Variants in NUBPL observed in about 807,000 individuals in gnomAD.
NUBPL encodes NUBP iron-sulfur cluster assembly factor, mitochondrial.
In NUBPL, 31 loss-of-function variants were observed where a neutral mutation model predicts 45.7. The ratio of observed to expected loss-of-function variants is 0.68; its 90% confidence interval spans 0.51 to 0.92. The LOEUF is 0.92. Among genes scored for constraint, NUBPL ranks in the 40% least tolerant of loss-of-function variants. The probability of loss-of-function intolerance (pLI) is 0.00; values close to 1 mark genes in which losing one functional copy is unlikely to be tolerated. For synonymous variants in NUBPL, 144 were observed against 140.9 expected (o/e 1.02, Z -0.15); for missense variants, 401 against 398.7 (o/e 1.01, Z -0.05).
chr14:31,843,583 A>G (rs1387392271), intron 8 of NUBPL, among the ~76,000 whole-genome samples: 1 of 152,178 alleles, frequency 6.6e-6, no homozygotes, highest in Admixed American at 6.5e-5. Context: ...AGACACCTTA[A>G]TATAGCCTAC....
intron 6 of NUBPL, among the ~76,000 whole-genome samples, chr14:31,770,122 G>A (rs944078910): frequency 1.3e-5 from 2 of 152,078 alleles, no homozygotes; most frequent in African/African-American, 4.8e-5. Context: ...AGTTCATCCT[G>A]TAATTGCCTG....
chr14:31,623,027 T>C (rs373110098), intron 4 of NUBPL, among the ~76,000 whole-genome samples: 8 of 152,242 alleles, frequency 5.3e-5, no homozygotes, highest in African/African-American at 1.9e-4. Context: ...GGCTGTACTC[T>C]GCAGAGCCAC....
At chr14:31,711,459 C>T (rs1304011809) in intron 6 of NUBPL, among the ~76,000 whole-genome samples, 3 of 151,980 alleles carry the variant, frequency 2.0e-5, no homozygotes, top group Non-Finnish European at 2.9e-5. Flanking sequence ...CACCGCTCGG[C>T]GATAGGTGAT....
intron 6 of NUBPL, among the ~76,000 whole-genome samples, chr14:31,704,954 T>C (rs923126203): frequency 2.6e-5 from 4 of 152,220 alleles, no homozygotes; most frequent in African/African-American, 9.6e-5. Flanking sequence ...TGTCCGGAGT[T>C]TCTTCCTTCT....
intron 4 of NUBPL, among the ~76,000 whole-genome samples, chr14:31,661,560 G>A (rs370926284): frequency 2.0e-5 from 3 of 152,116 alleles, no homozygotes; most frequent in Non-Finnish European, 2.9e-5. Flanking sequence ...GTTTTTCTCC[G>A]AGACGGAGTC....
intron 4 of NUBPL, among the ~76,000 whole-genome samples, chr14:31,653,365 A>G (rs1455432399): frequency 6.6e-6 from 1 of 152,172 alleles, no homozygotes; most frequent in Non-Finnish European, 1.5e-5. Context: ...CAACTGCATA[A>G]GACAGACACT....
chr14:31,687,058 A>G (rs1233693705), intron 6 of NUBPL, among the ~76,000 whole-genome samples: 2 of 152,178 alleles, frequency 1.3e-5, no homozygotes, highest in African/African-American at 4.8e-5. Context: ...GATTGAAGTG[A>G]GCTGTGATCA....
chr14:31,790,811 A>G (rs1440279488), intron 7 of NUBPL, among the ~76,000 whole-genome samples: 1 of 152,134 alleles, frequency 6.6e-6, no homozygotes, highest in Non-Finnish European at 1.5e-5. Context: ...AGATCGCGCC[A>G]CTGCACTCCA....
At chr14:31,780,075 T>C (rs1251685808) in intron 6 of NUBPL, among the ~76,000 whole-genome samples, 1 of 152,046 alleles carries the variant, frequency 6.6e-6, no homozygotes, top group African/African-American at 2.4e-5. Flanking sequence ...TTTTTTTTTT[T>C]TCCCTGAGAC....
intron 6 of NUBPL, among the ~76,000 whole-genome samples, chr14:31,757,392 C>T (rs1479614184): frequency 6.8e-6 from 1 of 146,586 alleles, no homozygotes; most frequent in Non-Finnish European, 1.5e-5. Flanking sequence ...TGTTATTGGT[C>T]TATTCAGAGA....
intron 4 of NUBPL, among the ~76,000 whole-genome samples, chr14:31,612,778 A>G (rs1034547545): frequency 1.3e-5 from 2 of 152,250 alleles, no homozygotes; most frequent in African/African-American, 2.4e-5. Context: ...AAAATGGCTT[A>G]TATCCAAAAG....
rs1566413455 is a variant in NUBPL at position 31,562,098 on chromosome 14, CAA to C, written c.141_142del (p.Arg48LysfsTer19). 6.2e-7 allele frequency: 1 copy of C among 1,609,904 alleles called. No homozygotes were observed. The highest frequency in any genetic ancestry group is 1.3e-5 in the African/African-American group (1 of 74,546). On this transcript the variant is annotated frameshift_variant, in exon 2 of 11. Transcript: ENST00000281081. LOFTEE classifies it high-confidence loss of function. ...LSGAGSETLKQRRTQIMSRGL... is the reference protein window; with the variant it reads ...LSGAGSETLKXRRTQIMSRGL... Reference sequence around the variant, plus strand: ...TGGCGCCGGGAGTGAGACCCTAAAACAAAGAAGAACACAAATCATGTCCCGAG... The same window carrying C: ...TGGCGCCGGGAGTGAGACCCTAAAACAGAAGAACACAAATCATGTCCCGAG...
intron 10 of NUBPL, among the ~76,000 whole-genome samples, chr14:31,857,614 T>C (rs558588076): frequency 1.7e-4 from 26 of 152,320 alleles, no homozygotes; most frequent in Non-Finnish European, 3.2e-4. Flanking sequence ...AAATTTCTTC[T>C]GCCAGGTACC....
At chr14:31,579,538 A>C (rs1240170046) in intron 3 of NUBPL, among the ~76,000 whole-genome samples, 2 of 152,234 alleles carry the variant, frequency 1.3e-5, no homozygotes, top group Non-Finnish European at 2.9e-5. Context: ...GATGGAAAGG[A>C]ACTTGTCATA....
chr14:31,789,744 T>C (rs1026236746), intron 7 of NUBPL, among the ~76,000 whole-genome samples: 2 of 152,122 alleles, frequency 1.3e-5, no homozygotes, highest in Non-Finnish European at 2.9e-5. Context: ...TGTTTGGAAA[T>C]ATCAGTATAG....
chr14:31,817,840 G>T (rs1391108120), intron 7 of NUBPL, among the ~76,000 whole-genome samples: 2 of 152,138 alleles, frequency 1.3e-5, no homozygotes, highest in African/African-American at 2.4e-5. Flanking sequence ...TGGGGTAAAT[G>T]CCCCAATTAA....
intron 6 of NUBPL, among the ~76,000 whole-genome samples, chr14:31,767,627 G>T (rs1333048775): frequency 2.6e-5 from 4 of 152,186 alleles, no homozygotes; most frequent in African/African-American, 7.2e-5. Flanking sequence ...ACTGGGAATT[G>T]AACCTAGGAT....
chr14:31,616,277 C>A (rs1470366314), intron 4 of NUBPL, among the ~76,000 whole-genome samples: 1 of 152,124 alleles, frequency 6.6e-6, no homozygotes, highest in African/African-American at 2.4e-5. Flanking sequence ...TGTGCAGAAG[C>A]TCTTTAGTTT....
intron 8 of NUBPL, among the ~76,000 whole-genome samples, chr14:31,840,539 A>C (rs2040352828): frequency 6.7e-6 from 1 of 150,280 alleles, no homozygotes; most frequent in Non-Finnish European, 1.5e-5. Context: ...ACGCCACTGC[A>C]CTCCAGCCTG....
Sources: gnomAD v4.1 joint callset for allele counts (sites outside exome capture counted in the v4.1 genomes callset) on GRCh38, gnomAD v4.1.1 for gene constraint, MANE v1.5 for transcripts, NCBI Gene and HGNC (gene_info 2026-07-23, HGNC 2026-07-21) for gene names.